MDN1: variants seen among roughly 807,000 people sequenced by gnomAD.
The protein encoded by MDN1 is midasin.
MDN1 carries 266 observed loss-of-function variants against 669.2 expected under a neutral mutation model. The ratio of observed to expected loss-of-function variants is 0.40; its 90% CI spans 0.36 to 0.44. The LOEUF (loss-of-function observed/expected upper bound fraction) is 0.44. Ranked by LOEUF, MDN1 falls within the 20% of genes least tolerant of loss-of-function variation. MDN1 has a pLI of 1.00. For synonymous variants in MDN1, 2,385 were observed against 2,457.1 expected (o/e 0.97, Z 0.87); for missense variants, 5,940 against 6,754.0 (o/e 0.88, Z 4.22).
chr6:89,680,494 G>A, intron 74 of MDN1, 95 bp downstream of exon 74: 1 of 1,429,650 alleles, frequency 7.0e-7, no homozygotes, highest in Non-Finnish European at 9.4e-7. Context: ...ACTACACAAG[G>A]TATCAAAAAA....
intron 22 of MDN1, 82 bp downstream of exon 22, chr6:89,753,430 G>GA (rs34799081): frequency 0.036 from 31,412 of 867,194 alleles, 2 homozygotes; most frequent in South Asian, 0.05. Flanking sequence ...AAAGTTATGT[G>GA]AAAAAAAAAA....
chr6:89,745,703 G>A, intron 27 of MDN1, 77 bp from the exon 28 acceptor site: 1 of 1,399,774 alleles, frequency 7.1e-7, no homozygotes, highest in Admixed American at 2.2e-5. Context: ...TGGAGAATAT[G>A]AAACAATAGA....
rs1380472320 is a variant in MDN1 at position 89,756,319 on chromosome 6, T to C, written c.2774A>G (p.Lys925Arg). The change falls in exon 20 of 102, where the codon AAA (lysine) becomes AGA (arginine). Residue 925 changes from lysine (K) to arginine (R), a missense_variant. Coordinates refer to ENST00000369393, the MANE Select transcript of MDN1 (RefSeq NM_014611.3). ...DLQVLIVDYL[K>R]GLSVNKNTVQ... ...TGTATTCTTGTTCACACTCAATCCTTTCAGATAATCTACAATAAGAACCTG... is the reference window on the plus strand; with the variant it reads ...TGTATTCTTGTTCACACTCAATCCTCTCAGATAATCTACAATAAGAACCTG... 2 of 1,602,918 alleles carry C rather than the reference T, an allele frequency of 1.2e-6. No individual in the cohort carries two copies. Among genetic ancestry groups the C allele is most frequent in the South Asian group, 1.1e-5 (1 of 88,700 alleles).
At chr6:89,661,719 A>G in intron 87 of MDN1, 141 bp from the exon 88 acceptor site, 1 of 866,224 alleles carries the variant, frequency 1.2e-6, no homozygotes, top group South Asian at 2.1e-5. Context: ...TGCACACATT[A>G]GTATTTTATT....
At chr6:89,706,335 T>A in intron 52 of MDN1, 143 bp from the exon 53 acceptor site, 1 of 766,584 alleles carries the variant, frequency 1.3e-6, no homozygotes, top group South Asian at 2.9e-5. Flanking sequence ...AAAAGCAAAT[T>A]CTTTGCCTAC....
chr6:89,676,641 C>A (rs1811214727), intron 76 of MDN1, among the ~76,000 whole-genome samples: 1 of 152,232 alleles, frequency 6.6e-6, no homozygotes, highest in Admixed American at 6.5e-5. Context: ...GAGGAAACTA[C>A]TATTCAGCTA....
At chr6:89,731,786 A>T in intron 34 of MDN1, among the ~76,000 whole-genome samples, 1 of 139,570 alleles carries the variant, frequency 7.2e-6, no homozygotes, top group Admixed American at 8.2e-5. Context: ...TTATTCTTTA[A>T]TTCATAGTAC....
chr6:89,787,077 GA>G (rs35019952), intron 8 of MDN1, among the ~76,000 whole-genome samples: 341 of 144,942 alleles, frequency 2.4e-3, no homozygotes, highest in African/African-American at 7.0e-3. Context: ...CCCATTTCAA[GA>G]AAAAAAAAAA....
intron 33 of MDN1, among the ~76,000 whole-genome samples, chr6:89,737,922 C>A (rs1312908441): frequency 6.6e-6 from 1 of 152,048 alleles, no homozygotes; most frequent in Non-Finnish European, 1.5e-5. Flanking sequence ...TGGGTTTTCG[C>A]CATGTTGGCC....
chr6:89,733,950 C>A (rs531209184), intron 33 of MDN1, among the ~76,000 whole-genome samples: 1 of 151,802 alleles, frequency 6.6e-6, no homozygotes, highest in East Asian at 1.9e-4. Flanking sequence ...AAGTATCACC[C>A]CAAAAGACAT....
chr6:89,650,089 G>A lies in MDN1; in HGVS notation c.16141C>T (p.Arg5381Cys), dbSNP rs767337295. ...ATAGCCAAACAAATCTGATACTGGC[G>A]TTTACTGGGCTTGGTCCTTCGAAGC... ...IWLRRTKPSK[R>C]QYQICLAIDD... The change falls in exon 97 of 102, where the codon CGC becomes TGC. Residue 5381 changes from arginine (R) to cysteine (C), a missense_variant. This residue lies in a region of MDN1 where 2,280 missense variants were observed against 2,576.3 expected (regional missense o/e 0.88). Transcript: ENST00000369393. 7.4e-6 allele frequency: 12 copies of A among 1,613,970 alleles called. No individual in the cohort carries two copies. The highest frequency in any genetic ancestry group is 4.0e-5 in the African/African-American group (3 of 74,912).
chr6:89,757,874 T>C (rs1817330930), intron 19 of MDN1, among the ~76,000 whole-genome samples: 1 of 148,010 alleles, frequency 6.8e-6, no homozygotes, highest in East Asian at 1.9e-4. Context: ...TGAAACCCAG[T>C]GTCTACTAAA....
At position 89,708,629 on chromosome 6, in the gene MDN1, CT is replaced by C; in HGVS notation, c.7766-2del. 6.2e-7 allele frequency: 1 copy of C among 1,612,640 alleles called. No homozygotes were observed. On this transcript the variant is annotated splice_acceptor_variant, in intron 50 of 101. Transcript: ENST00000369393. LOFTEE classifies it high-confidence loss of function. ...GGATCCAGAGGGATCACAAATTCAT[CT>C]AGTTTAAAAACAGAACAAAACAAAA... is the stretch of plus-strand genomic sequence containing the variant.
At chr6:89,804,826 T>C (rs1175426878) in intron 1 of MDN1, among the ~76,000 whole-genome samples, 1 of 151,682 alleles carries the variant, frequency 6.6e-6, no homozygotes. Context: ...GGTCAGGAGA[T>C]CGAGACCATC....
intron 88 of MDN1, 81 bp from the exon 89 acceptor site, chr6:89,658,998 G>A: frequency 7.4e-7 from 1 of 1,356,728 alleles, no homozygotes; most frequent in Non-Finnish European, 1.0e-6. Context: ...ACTTATGCAA[G>A]TTTTGTCTTA....
At position 89,819,724 on chromosome 6, in the gene MDN1, T is replaced by A. The variant is rs1304387019; in HGVS notation, c.-117A>T. 1.3e-6 allele frequency: 1 copy of A among 781,892 alleles called. No individual in the cohort carries two copies. The highest frequency in any genetic ancestry group is 2.5e-5 in the East Asian group (1 of 39,270). 48.4% of individuals were successfully genotyped at this position (781,892 alleles called of 1,614,324 possible). ...AGCAACTACGCCCGCAGGAAAGGCG[T>A]CCTCAGCTCCAGCGCCTACACCGGG... On this transcript the variant is annotated 5_prime_UTR_variant, in exon 1 of 102. Transcript: ENST00000369393.
intron 22 of MDN1, among the ~76,000 whole-genome samples, chr6:89,753,159 T>C (rs532591186): frequency 6.6e-6 from 1 of 151,872 alleles, no homozygotes; most frequent in South Asian, 2.1e-4. Context: ...AAAAAAACAA[T>C]ATTCTTATAA....
At chr6:89,747,612 C>T in intron 26 of MDN1, 142 bp from the exon 27 acceptor site, 1 of 1,015,646 alleles carries the variant, frequency 9.8e-7, no homozygotes, top group Non-Finnish European at 1.4e-6. Flanking sequence ...AATTTTTTGG[C>T]CGGGCGTGGT....
rs762100240 is a variant in MDN1, at chr6:89,714,633, T to C, written c.6979A>G (p.Lys2327Glu). Residue 2327 changes from lysine to glutamate, a missense_variant, in exon 46 of 102, where the codon AAA becomes GAA. Coordinates refer to ENST00000369393, the MANE Select transcript of MDN1 (RefSeq NM_014611.3). ...AATCCAAGGCTGTGCAGCAGAACTTTCAAATCCAGGTTGTCTGGGGTGCTT... is the reference window on the plus strand; with the variant it reads ...AATCCAAGGCTGTGCAGCAGAACTTCCAAATCCAGGTTGTCTGGGGTGCTT... ...DASTPDNLDLKVLLHSLGLVG... is the reference protein window; with the variant it reads ...DASTPDNLDLEVLLHSLGLVG... The C allele has an allele frequency of 6.2e-7, 1 of 1,614,160 alleles. No individual in the cohort carries two copies. Among genetic ancestry groups the C allele is most frequent in the South Asian group, 1.1e-5 (1 of 91,072 alleles).
Sources: gnomAD v4.1 joint callset for allele counts (sites outside exome capture counted in the v4.1 genomes callset) on GRCh38, gnomAD v4.1.1 for gene constraint, gnomAD v4.1.1 regional missense constraint, MANE v1.5 for transcripts, NCBI Gene and HGNC (gene_info 2026-07-23, HGNC 2026-07-21) for gene names.